ANKHD1: variants seen among roughly 807,000 people sequenced by gnomAD.
ANKHD1 encodes the protein ankyrin repeat and KH domain containing 1, also known as ankyrin repeat and KH domain-containing protein 1.
In ANKHD1, 31 loss-of-function variants were observed where a neutral mutation model predicts 230.5. That is an observed-to-expected ratio of 0.13 (90% confidence interval 0.10 to 0.18). The LOEUF is 0.18. Ranked by LOEUF, ANKHD1 falls within the 10% of genes least tolerant of loss-of-function variation. The pLI, the probability that ANKHD1 is intolerant of heterozygous loss-of-function variation, is 1.00. For missense variants in ANKHD1, 2,256 were observed against 3,071.3 expected, an observed-to-expected ratio of 0.73 and a Z score of 6.27; for synonymous variants, 1,074 against 1,117.6, an observed-to-expected ratio of 0.96 and a Z score of 0.78.
chr5:140,503,987 A>G (rs1228018901), intron 15 of ANKHD1, among the ~76,000 whole-genome samples: 1 of 152,186 alleles, frequency 6.6e-6, no homozygotes, highest in Non-Finnish European at 1.5e-5. Context: ...CAAAATAAAT[A>G]TTGAATTTAG....
intron 10 of ANKHD1, among the ~76,000 whole-genome samples, chr5:140,467,826 A>G (rs561192406): frequency 1.5e-3 from 233 of 152,244 alleles, no homozygotes; most frequent in African/African-American, 5.4e-3. Flanking sequence ...AGTCCTGGGA[A>G]AAAGTGACTG....
In ANKHD1 at chr5:140,485,703, C is replaced by T. The variant is rs748962898; in HGVS notation, c.2113C>T (p.Leu705Phe). Residue 705 changes from leucine (L) to phenylalanine (F), a missense_variant, in exon 13 of 34, where the codon CTC becomes TTC. By Grantham distance (22) the Leu-to-Phe change is conservative. Around this residue, in one of 13 missense-constraint regions of ANKHD1, gnomAD observed 358 missense variants for 397.7 expected, o/e 0.90. Coordinates refer to ENST00000360839, the MANE Select transcript of ANKHD1 (RefSeq NM_017747.3). The surrounding 1 kb of genome is among the most constrained non-coding windows in gnomAD (Gnocchi z 4.8). ...LSVPTTDVSQLPPPSQDQSQV... is the reference protein window; with the variant it reads ...LSVPTTDVSQFPPPSQDQSQV... ...AGTTCCCACCACAGATGTGTCTCAG[C>T]TCCCTCCACCTTCTCAAGATCAGTC... The T allele has an allele frequency of 5.0e-6, 8 of 1,613,918 alleles. No individual in the cohort carries two copies. Among genetic ancestry groups the T allele is most frequent in the African/African-American group, 1.3e-5 (1 of 74,914 alleles).
chr5:140,449,648 C>T (rs111441357), intron 7 of ANKHD1, among the ~76,000 whole-genome samples: 42 of 144,260 alleles, frequency 2.9e-4, no homozygotes, highest in African/African-American at 9.6e-4. Flanking sequence ...GGCGATAGAG[C>T]GAGACTCGGT....
At position 140,527,398 on chromosome 5, in the gene ANKHD1, A is replaced by G. The variant is rs1031424244; in HGVS notation, c.5087+324A>G. On this transcript the variant is annotated intron_variant, in intron 27 of 33. Coordinates refer to ENST00000360839, the MANE Select transcript of ANKHD1 (RefSeq NM_017747.3). This position sits in a 1 kb window ranked among gnomAD's most constrained non-coding sequence, Gnocchi z 4.5. ...CTAAAGTACTAATAATCAACTTTAG[A>G]TTCAGAATACATGTCAGCTCATCAT... 1.0e-4 allele frequency: 26 copies of G among 252,780 alleles called. No individual in the cohort carries two copies. Among genetic ancestry groups the G allele is most frequent in the Non-Finnish European group, 1.4e-4 (18 of 131,698 alleles). 15.7% of individuals were successfully genotyped at this position (252,780 alleles called of 1,614,324 possible).
intron 30 of ANKHD1, among the ~76,000 whole-genome samples, chr5:140,536,066 G>A (rs1368719257): frequency 1.3e-5 from 2 of 152,030 alleles, no homozygotes; most frequent in Non-Finnish European, 2.9e-5. Context: ...CCTTTTATAA[G>A]TTAAAATATT....
At chr5:140,476,114 GAC>G (rs1750950800) in intron 10 of ANKHD1, among the ~76,000 whole-genome samples, 2 of 152,038 alleles carry the variant, frequency 1.3e-5, no homozygotes, top group Admixed American at 1.3e-4. Flanking sequence ...TATAGGGTAA[GAC>G]AGCATATTAG....
intron 1 of ANKHD1, among the ~76,000 whole-genome samples, chr5:140,422,267 C>A (rs1054944753): frequency 1.3e-5 from 2 of 151,926 alleles, no homozygotes; most frequent in Admixed American, 1.3e-4. Context: ...GGATTACAGG[C>A]GCCCACCACC....
chr5:140,506,177 C>T lies in ANKHD1; in HGVS notation c.3408+308C>T, dbSNP rs1452952412. On this transcript the variant is annotated intron_variant, in intron 18 of 33. Coordinates refer to ENST00000360839, the MANE Select transcript of ANKHD1 (RefSeq NM_017747.3). This position sits in a 1 kb window ranked among gnomAD's most constrained non-coding sequence, Gnocchi z 4.7. ...CTGGCCTCAAGCAATCCTCTCTCCT[C>T]GGCCTCCCAAAGTACAGGGATTATA... 1.3e-5 allele frequency among the ~76,000 whole-genome samples: 2 copies of T among 152,138 alleles called. No homozygotes were observed. Among genetic ancestry groups the T allele is most frequent in the East Asian group, 1.9e-4 (1 of 5,176 alleles).
rs1561733263 is a variant in ANKHD1 at position 140,445,734 on chromosome 5, C to G, written c.914-8C>G. On this transcript the variant is annotated splice_region_variant and splice_polypyrimidine_tract_variant and intron_variant, in intron 5 of 33. Transcript: ENST00000360839. ...CTCATGTATTATATTTCTTCTTCTTCTTTTTAGGAAACACTGCGCTAACTT... is the reference window on the plus strand; with the variant it reads ...CTCATGTATTATATTTCTTCTTCTTGTTTTTAGGAAACACTGCGCTAACTT... The G allele has an allele frequency of 2.0e-5, 31 of 1,545,700 alleles. No homozygotes were observed. Among genetic ancestry groups the G allele is most frequent in the Non-Finnish European group, 2.7e-5 (31 of 1,142,516 alleles).
In ANKHD1 at chr5:140,527,657, T is replaced by A. The variant is rs987169799; in HGVS notation, c.5088-216T>A. Among the ~76,000 whole-genome samples, 18 of 152,198 alleles carry A rather than the reference T, an allele frequency of 1.2e-4. No individual in the cohort carries two copies. The highest frequency in any genetic ancestry group is 4.3e-4 in the African/African-American group (18 of 41,444). On this transcript the variant is annotated intron_variant, in intron 27 of 33. Coordinates refer to ENST00000360839, the MANE Select transcript of ANKHD1 (RefSeq NM_017747.3). This position sits in a 1 kb window ranked among gnomAD's most constrained non-coding sequence, Gnocchi z 4.5. ...GGCAGTGTAATTTTTAAAATTAGGT[T>A]CTCTGAAACTGCAGAGCAATGTAAT...
At chr5:140,492,692 G>A (rs1038902095) in intron 14 of ANKHD1, among the ~76,000 whole-genome samples, 1 of 152,052 alleles carries the variant, frequency 6.6e-6, no homozygotes, top group Non-Finnish European at 1.5e-5. Context: ...TGTAAGCAAG[G>A]GAATTACAGA....
At chr5:140,445,622 C>T in intron 5 of ANKHD1, 120 bp from the exon 6 acceptor site, 1 of 963,098 alleles carries the variant, frequency 1.0e-6, no homozygotes. Context: ...AGAGCATTAG[C>T]ATAATCATAA....
At chr5:140,413,436 A>G (rs1332138637) in intron 1 of ANKHD1, among the ~76,000 whole-genome samples, 14 of 152,280 alleles carry the variant, frequency 9.2e-5, no homozygotes, top group Admixed American at 5.9e-4. Flanking sequence ...TTCACCATCA[A>G]CCATCTCCAG....
chr5:140,402,763 C>T (rs958603098), intron 1 of ANKHD1, among the ~76,000 whole-genome samples: 2 of 152,168 alleles, frequency 1.3e-5, no homozygotes, highest in South Asian at 2.1e-4. Flanking sequence ...TATTCTCCCT[C>T]TTCAGTTTGA....
At position 140,485,939 on chromosome 5, in the gene ANKHD1, T is replaced by C. The variant is rs1751482121; in HGVS notation, c.2142+207T>C. 1 of 660,940 alleles carries C rather than the reference T, an allele frequency of 1.5e-6. No individual in the cohort carries two copies. Among genetic ancestry groups the C allele is most frequent in the Non-Finnish European group, 2.3e-6 (1 of 427,294 alleles). The allele number at this position is 660,940 out of a possible 1,614,324, so 40.9% of individuals were successfully genotyped here. A position where few individuals can be genotyped will look rare whatever the true frequency, so the allele number is the denominator to read the frequency against. ...GCCTTATTTATTGAGAATAGTGGTT[T>C]TTAAAAACCACTTAATATCAAATAT... is the stretch of plus-strand genomic sequence containing the variant. On this transcript the variant is annotated intron_variant, in intron 13 of 33. Coordinates refer to ENST00000360839, the MANE Select transcript of ANKHD1 (RefSeq NM_017747.3). This position sits in a 1 kb window ranked among gnomAD's most constrained non-coding sequence, Gnocchi z 4.8.
At chr5:140,528,062 A>AG (rs778287008) in intron 28 of ANKHD1, 40 bp downstream of exon 28, 1 of 1,608,192 alleles carries the variant, frequency 6.2e-7, no homozygotes, top group Admixed American at 1.7e-5. Flanking sequence ...CTGAGTAGAA[A>AG]TTATAAGAAG....
intron 24 of ANKHD1, among the ~76,000 whole-genome samples, chr5:140,520,246 T>G (rs1753263217): frequency 6.6e-6 from 1 of 152,122 alleles, no homozygotes; most frequent in African/African-American, 2.4e-5. Context: ...CTCACACCAG[T>G]TAGAATGGCG....
intron 1 of ANKHD1, among the ~76,000 whole-genome samples, chr5:140,406,710 TC>T (rs1487507313): frequency 6.6e-6 from 1 of 152,076 alleles, no homozygotes; most frequent in Non-Finnish European, 1.5e-5. Flanking sequence ...AATTTTTCTA[TC>T]TTTAGCAGAA....
At chr5:140,516,933 A>C (rs1753042421) in intron 24 of ANKHD1, among the ~76,000 whole-genome samples, 1 of 152,204 alleles carries the variant, frequency 6.6e-6, no homozygotes, top group Admixed American at 6.5e-5. Flanking sequence ...AAATTCACAC[A>C]TAACAATATT....
Sources: allele counts gnomAD v4.1 joint callset (sites outside exome capture counted in the v4.1 genomes callset), GRCh38; gene constraint gnomAD v4.1.1; regional missense constraint gnomAD v4.1.1; non-coding constraint Gnocchi (gnomAD v3.1); transcripts MANE v1.5; gene names NCBI Gene and HGNC (gene_info 2026-07-23, HGNC 2026-07-21).